Variants in CXADR observed in about 807,000 individuals in gnomAD.
CXADR encodes the protein CXADR cell adhesion molecule.
In CXADR, 20 loss-of-function variants were observed where a neutral mutation model predicts 40.3. The ratio of observed to expected loss-of-function variants is 0.50; its 90% CI spans 0.35 to 0.72. The LOEUF (loss-of-function observed/expected upper bound fraction) is 0.72. CXADR is among the 30% of genes least tolerant of loss of function. The probability of loss-of-function intolerance (pLI) is 0.01; values close to 1 mark genes in which losing one functional copy is unlikely to be tolerated. For missense variants in CXADR, 332 were observed against 449.1 expected (o/e 0.74, Z 2.36); for synonymous variants, 150 against 161.3 (o/e 0.93, Z 0.53).
chr21:17,557,270 T>C (rs2061048444), intron 3 of CXADR, among the ~76,000 whole-genome samples: 1 of 152,234 alleles, frequency 6.6e-6, no homozygotes, highest in African/African-American at 2.4e-5. Flanking sequence ...CTGTCTTTTC[T>C]AGTGTTGCCC....
In CXADR at chr21:17,568,478, A is replaced by G. The variant is rs2061242932; in HGVS notation, c.*2786A>G. The stretch of plus-strand genomic sequence containing the variant: ...CATTTTATTCTACTTTATAACTGAG[A>G]GACTTGATACCATCCATCTCTTTAG... On this transcript the variant is annotated 3_prime_UTR_variant, in exon 7 of 7. Transcript: ENST00000284878. 2.1e-6 allele frequency: 2 copies of G among 972,294 alleles called. No individual in the cohort carries two copies. Among genetic ancestry groups the G allele is most frequent in the South Asian group, 9.6e-5 (2 of 20,846 alleles). The allele number at this position is 972,294 out of a possible 1,614,324, so 60.2% of individuals were successfully genotyped here.
the CXADR span, among the ~76,000 whole-genome samples, chr21:17,628,312 CAAG>C: frequency 1.1e-4 from 17 of 152,284 alleles, no homozygotes; most frequent in African/African-American, 3.1e-4. Flanking sequence ...GGGCAAGTCC[CAAG>C]ATCTGTAAGA....
chr21:17,611,350 G>A, the CXADR span, among the ~76,000 whole-genome samples: 1 of 152,242 alleles, frequency 6.6e-6, no homozygotes, highest in East Asian at 1.9e-4. Flanking sequence ...TGCCAACTAT[G>A]TGCCACATAT....
chr21:17,538,012 T>G (rs2060781120), intron 1 of CXADR, among the ~76,000 whole-genome samples: 1 of 151,872 alleles, frequency 6.6e-6, no homozygotes, highest in Non-Finnish European at 1.5e-5. Flanking sequence ...CTTTTTTTTT[T>G]TCTTTTTAAG....
chr21:17,539,692 G>C (rs563610693), intron 1 of CXADR, among the ~76,000 whole-genome samples: 1 of 152,278 alleles, frequency 6.6e-6, no homozygotes, highest in Non-Finnish European at 1.5e-5. Context: ...GTGCACTTCT[G>C]TATATTAATG....
intron 7 of CXADR, among the ~76,000 whole-genome samples, chr21:17,585,506 GC>G (rs2061388231): frequency 6.6e-6 from 1 of 151,626 alleles, no homozygotes; most frequent in African/African-American, 2.4e-5. Flanking sequence ...CTGTCTTTGT[GC>G]TTCTGGGTGT....
intron 4 of CXADR, 113 bp from the exon 5 acceptor site, chr21:17,560,589 G>A: frequency 9.7e-7 from 1 of 1,030,814 alleles, no homozygotes; most frequent in Admixed American, 2.4e-5. Flanking sequence ...TCCAGCCTTG[G>A]TCTGTCTTGC....
chr21:17,562,529 C>G (rs2061138724), intron 6 of CXADR, among the ~76,000 whole-genome samples: 1 of 152,184 alleles, frequency 6.6e-6, no homozygotes, highest in Non-Finnish European at 1.5e-5. Context: ...ACCATGTTGC[C>G]AAGGGTGGTC....
chr21:17,570,708 A>G (rs1272265277), downstream of CXADR, among the ~76,000 whole-genome samples: 4 of 152,188 alleles, frequency 2.6e-5, no homozygotes, highest in Non-Finnish European at 5.9e-5. Flanking sequence ...TCTGGCTAAT[A>G]AAATGTATAT....
the CXADR span, among the ~76,000 whole-genome samples, chr21:17,600,119 G>A: frequency 6.6e-6 from 1 of 151,792 alleles, no homozygotes; most frequent in Non-Finnish European, 1.5e-5. Context: ...GTCAAAATAT[G>A]TAACATATGC....
At chr21:17,583,233 A>G (rs2061372981) in intron 7 of CXADR, among the ~76,000 whole-genome samples, 1 of 152,204 alleles carries the variant, frequency 6.6e-6, no homozygotes, top group African/African-American at 2.4e-5. Flanking sequence ...AAGATGTGCT[A>G]TATAGTAGAC....
the CXADR span, among the ~76,000 whole-genome samples, chr21:17,605,955 C>T: frequency 4.6e-5 from 7 of 151,992 alleles, no homozygotes; most frequent in Non-Finnish European, 8.8e-5. Context: ...ATAGTAATTA[C>T]GCTGTAAAAT....
At chr21:17,539,764 C>T (rs1296331508) in intron 1 of CXADR, among the ~76,000 whole-genome samples, 1 of 152,126 alleles carries the variant, frequency 6.6e-6, no homozygotes, top group Non-Finnish European at 1.5e-5. Flanking sequence ...TCTTTATTGG[C>T]TAATGGATTG....
At chr21:17,516,478 T>G (rs2060463529) in intron 1 of CXADR, among the ~76,000 whole-genome samples, 1 of 152,218 alleles carries the variant, frequency 6.6e-6, no homozygotes, top group Non-Finnish European at 1.5e-5. Context: ...TGGGTTGACA[T>G]TGTAAACTAA....
At chr21:17,559,667 GGGT>G (rs569770688) in intron 4 of CXADR, among the ~76,000 whole-genome samples, 1,413 of 16,464 alleles carry the variant, frequency 0.086, 40 homozygotes, top group African/African-American at 0.22. Flanking sequence ...ACTTTTTTTT[GGGT>G]TTTTTTTTTT....
the CXADR span, among the ~76,000 whole-genome samples, chr21:17,607,658 AAAGG>A: frequency 2.0e-5 from 3 of 152,262 alleles, no homozygotes; most frequent in African/African-American, 7.2e-5. Context: ...CCAGTGGCAG[AAAGG>A]AAGTCCTTCT....
At chr21:17,605,510 A>G in the CXADR span, among the ~76,000 whole-genome samples, 1 of 152,232 alleles carries the variant, frequency 6.6e-6, no homozygotes, top group African/African-American at 2.4e-5. Flanking sequence ...TAAATACAGG[A>G]TAAGTGAAGG....
At chr21:17,532,759 A>G (rs2060694258) in intron 1 of CXADR, among the ~76,000 whole-genome samples, 1 of 152,236 alleles carries the variant, frequency 6.6e-6, no homozygotes, top group African/African-American at 2.4e-5. Flanking sequence ...TTGAAGAGTG[A>G]ACACCAGGAT....
At chr21:17,546,874 T>C (rs2060903365) in intron 1 of CXADR, among the ~76,000 whole-genome samples, 153 bp from the exon 2 acceptor site, 1 of 152,170 alleles carries the variant, frequency 6.6e-6, no homozygotes, top group South Asian at 2.1e-4. Context: ...AATTAAAAAC[T>C]GGGCATCTCT....
Sources: gnomAD v4.1 joint callset for allele counts (sites outside exome capture counted in the v4.1 genomes callset) on GRCh38, gnomAD v4.1.1 for gene constraint, MANE v1.5 for transcripts, NCBI Gene and HGNC (gene_info 2026-07-23, HGNC 2026-07-21) for gene names.